The following ATP10A variants were observed in gnomAD, a reference collection of about 807,000 sequenced individuals.
ATP10A encodes the protein phospholipid-transporting ATPase VA.
In ATP10A, 111 loss-of-function variants were observed where a neutral mutation model predicts 147.8. The ratio of observed to expected loss-of-function variants is 0.75; its 90% CI spans 0.64 to 0.88. The LOEUF is 0.88. Ranked by LOEUF, ATP10A falls within the 40% of genes least tolerant of loss-of-function variation. The pLI is 0.00. For missense variants in ATP10A, 1,927 were observed against 1,959.0 expected (o/e 0.98, Z 0.31); for synonymous variants, 875 against 841.6 (o/e 1.04, Z -0.69).
chr15:25,731,385 T>C (rs1327707160), intron 3 of ATP10A, among the ~76,000 whole-genome samples: 1 of 152,178 alleles, frequency 6.6e-6, no homozygotes, highest in African/African-American at 2.4e-5. Context: ...AAAGCAAACA[T>C]TGACAGATCG....
intron 12 of ATP10A, among the ~76,000 whole-genome samples, chr15:25,705,454 C>CAAAAAAAAAAAA: frequency 1.2e-5 from 1 of 82,012 alleles, no homozygotes; most frequent in African/African-American, 3.9e-5. Flanking sequence ...AAAAAAAAAA[C>CAAAAAAAAAAAA]AAAAAAAAAA....
intron 12 of ATP10A, among the ~76,000 whole-genome samples, chr15:25,705,169 A>C (rs898533976): frequency 2.6e-5 from 4 of 152,066 alleles, no homozygotes; most frequent in African/African-American, 9.7e-5. Context: ...GGCCTGGTGC[A>C]GGGGCACACG....
intron 8 of ATP10A, among the ~76,000 whole-genome samples, chr15:25,717,499 T>G (rs1412035717): frequency 1.3e-5 from 2 of 152,188 alleles, no homozygotes; most frequent in Non-Finnish European, 2.9e-5. Context: ...GAAACCTTGT[T>G]CCAGTGCAGC....
chr15:25,781,668 GA>G (rs147828670), intron 1 of ATP10A, among the ~76,000 whole-genome samples: 7,131 of 146,864 alleles, frequency 0.049, 224 homozygotes, highest in Middle Eastern at 0.097. Context: ...AAAAAAGAAG[GA>G]AAAAAAAAAG....
At chr15:25,790,968 A>G (rs1191641198) in intron 1 of ATP10A, among the ~76,000 whole-genome samples, 1 of 152,032 alleles carries the variant, frequency 6.6e-6, no homozygotes, top group Non-Finnish European at 1.5e-5. Context: ...TGCATTGTAA[A>G]TATTTTTTCC....
chr15:25,698,078 T>G (rs1368468129), intron 13 of ATP10A, among the ~76,000 whole-genome samples: 1 of 152,184 alleles, frequency 6.6e-6, no homozygotes, highest in Admixed American at 6.5e-5. Flanking sequence ...TAATGTAGTG[T>G]TCTGGATGGG....
chr15:25,834,957 C>A (rs775201167), intron 1 of ATP10A, among the ~76,000 whole-genome samples: 5 of 152,076 alleles, frequency 3.3e-5, no homozygotes, highest in Non-Finnish European at 7.4e-5. Context: ...ATATGGGGCT[C>A]ATTTTTCTGC....
Position 25,736,156 on chromosome 15 carries a change from C to G in ATP10A, c.655-15G>C, listed in dbSNP as rs777971018. The G allele has an allele frequency of 1.9e-6, 3 of 1,608,442 alleles. No individual in the cohort carries two copies. The highest frequency in any genetic ancestry group is 2.6e-6 in the Non-Finnish European group (3 of 1,176,408). The stretch of plus-strand genomic sequence containing the variant: ...AATTCGGAGACCTAAAATAACAGCA[C>G]GTAGACATTAGAGAAATCCGGGCTC... On this transcript the variant is annotated splice_polypyrimidine_tract_variant and intron_variant, in intron 2 of 20. Coordinates refer to ENST00000555815, the MANE Select transcript of ATP10A (RefSeq NM_024490.4).
chr15:25,742,155 G>A (rs575302342), intron 2 of ATP10A, among the ~76,000 whole-genome samples: 8 of 110,784 alleles, frequency 7.2e-5, no homozygotes, highest in Middle Eastern at 4.5e-3. Flanking sequence ...AGCATGTGAC[G>A]GAGAGTGCTG....
intron 1 of ATP10A, among the ~76,000 whole-genome samples, chr15:25,791,961 T>C (rs970637601): frequency 6.6e-6 from 1 of 152,196 alleles, no homozygotes. Context: ...TTCCAAGTAT[T>C]GCTTGTTTGT....
chr15:25,766,922 A>AC (rs57842400), intron 2 of ATP10A, among the ~76,000 whole-genome samples: 7,382 of 149,902 alleles, frequency 0.049, 554 homozygotes, highest in African/African-American at 0.16. Flanking sequence ...AAAAAAAAAA[A>AC]CTTTAATGGG....
chr15:25,836,984 A>G (rs1892625510), intron 1 of ATP10A, among the ~76,000 whole-genome samples: 1 of 152,230 alleles, frequency 6.6e-6, no homozygotes, highest in South Asian at 2.1e-4. Context: ...GGTACAAAAC[A>G]TTATATTTTG....
intron 2 of ATP10A, among the ~76,000 whole-genome samples, chr15:25,774,631 T>C (rs1405224840): frequency 6.6e-6 from 1 of 150,978 alleles, no homozygotes; most frequent in Non-Finnish European, 1.5e-5. Flanking sequence ...TCTCTGTACA[T>C]GGTGATTTAA....
At chr15:25,738,626 T>G (rs1887418275) in intron 2 of ATP10A, 1 of 152,188 alleles carries the variant, frequency 6.6e-6, no homozygotes, top group Admixed American at 6.5e-5. Context: ...AAACCAACTC[T>G]GAGAATTGAC....
intron 14 of ATP10A, among the ~76,000 whole-genome samples, chr15:25,693,768 G>C (rs1900161166): frequency 6.6e-6 from 1 of 152,170 alleles, no homozygotes; most frequent in Non-Finnish European, 1.5e-5. Flanking sequence ...GGTGTGTAGG[G>C]CAGGGTCCCC....
chr15:25,799,532 A>T (rs1890839304), intron 1 of ATP10A, among the ~76,000 whole-genome samples: 1 of 152,206 alleles, frequency 6.6e-6, no homozygotes, highest in Non-Finnish European at 1.5e-5. Context: ...AGACAAAAAA[A>T]CAAAGTTAAA....
At chr15:25,839,013 C>G (rs1263395497) in intron 1 of ATP10A, among the ~76,000 whole-genome samples, 1 of 152,138 alleles carries the variant, frequency 6.6e-6, no homozygotes, top group African/African-American at 2.4e-5. Flanking sequence ...ATTTATTTCT[C>G]TTTGGTGTCC....
At chr15:25,725,853 A>C (rs1212327923) in intron 5 of ATP10A, 98 bp downstream of exon 5, 7 of 1,382,098 alleles carry the variant, frequency 5.1e-6, no homozygotes, top group Non-Finnish European at 6.8e-6. Context: ...CCTGACCTCA[A>C]GTGATCTGCC....
chr15:25,692,867 C>T (rs1900112101), intron 14 of ATP10A, among the ~76,000 whole-genome samples: 1 of 152,108 alleles, frequency 6.6e-6, no homozygotes, highest in Admixed American at 6.5e-5. Context: ...GTGGCATGAT[C>T]ATGGCTCACT....
Sources: allele counts gnomAD v4.1 joint callset (sites outside exome capture counted in the v4.1 genomes callset), GRCh38; gene constraint gnomAD v4.1.1; transcripts MANE v1.5; gene names NCBI Gene and HGNC (gene_info 2026-07-23, HGNC 2026-07-21).